KCNB2: variants seen among roughly 807,000 people sequenced by gnomAD.
KCNB2 encodes potassium voltage-gated channel subfamily B member 2, also known as delayed rectifier potassium channel protein.
A neutral mutation model predicts 61.5 loss-of-function variants in KCNB2; 15 were observed. The ratio of observed to expected loss-of-function variants is 0.24; its 90% CI spans 0.16 to 0.38. KCNB2 has a LOEUF of 0.38. KCNB2 is among the 10% of genes least tolerant of loss of function. KCNB2 has a pLI of 1.00. For synonymous variants in KCNB2, 457 were observed against 446.0 expected, an observed-to-expected ratio of 1.02 and a Z score of -0.31; for missense variants, 828 against 1,125.2, an observed-to-expected ratio of 0.74 and a Z score of 3.78.
At chr8:72,672,609 A>T (rs1309006099) in intron 2 of KCNB2, among the ~76,000 whole-genome samples, 2 of 151,982 alleles carry the variant, frequency 1.3e-5, no homozygotes, top group African/African-American at 4.8e-5. Flanking sequence ...GGTGTTTTTG[A>T]TGTCTTGAAT....
At chr8:72,817,650 C>A (rs572715748) in intron 2 of KCNB2, among the ~76,000 whole-genome samples, 1 of 152,176 alleles carries the variant, frequency 6.6e-6, no homozygotes, top group South Asian at 2.1e-4. Flanking sequence ...TTTAACATTT[C>A]TTTCAGTAAC....
At chr8:72,674,910 A>G (rs1467921945) in intron 2 of KCNB2, among the ~76,000 whole-genome samples, 6 of 152,212 alleles carry the variant, frequency 3.9e-5, no homozygotes, top group African/African-American at 1.4e-4. Flanking sequence ...TAAAAAAATA[A>G]AGATTTTTTT....
In KCNB2 at chr8:72,607,909, A is replaced by G. The variant is rs181921296; in HGVS notation, c.579+39596A>G. ...GTGACTTATTTAACTGGGTTAGTAC[A>G]TAAAAATACAGAAATTCATCCACTC... is the stretch of plus-strand genomic sequence containing the variant. On this transcript the variant is annotated intron_variant, in intron 2 of 2. Coordinates refer to ENST00000523207, the MANE Select transcript of KCNB2 (RefSeq NM_004770.3). Among the ~76,000 whole-genome samples the G allele has an allele frequency of 1.5e-3, 229 of 152,350 alleles. 1 individual carries two copies. Among genetic ancestry groups the G allele is most frequent in the African/African-American group, 5.3e-3 (220 of 41,582 alleles).
intron 2 of KCNB2, among the ~76,000 whole-genome samples, chr8:72,575,423 C>G (rs926650673): frequency 4.6e-5 from 7 of 152,200 alleles, no homozygotes; most frequent in Middle Eastern, 3.4e-3. Flanking sequence ...TTGAATGCCA[C>G]TGATATTTTC....
chr8:72,553,139 G>A (rs1474897587), intron 1 of KCNB2, among the ~76,000 whole-genome samples: 1 of 152,066 alleles, frequency 6.6e-6, no homozygotes, highest in African/African-American at 2.4e-5. Flanking sequence ...CAGAAATGAT[G>A]ATAGCTCTTG....
At chr8:72,839,912 C>CTT (rs936885562) in intron 2 of KCNB2, among the ~76,000 whole-genome samples, 1 of 145,780 alleles carries the variant, frequency 6.9e-6, no homozygotes, top group African/African-American at 2.5e-5. Context: ...CGTGCCCAGC[C>CTT]TTTTTTTTTT....
At position 72,568,119 on chromosome 8, in the gene KCNB2, G is replaced by C; in HGVS notation, c.385G>C (p.Asp129His). The change falls in exon 2 of 3, where the codon GAT (aspartate) becomes CAT (histidine). Residue 129 changes from aspartate (D) to histidine (H), a missense_variant. Around this residue, in one of 4 missense-constraint regions of KCNB2, gnomAD observed 163 missense variants for 314.4 expected, o/e 0.52. Coordinates refer to ENST00000523207, the MANE Select transcript of KCNB2 (RefSeq NM_004770.3). Reference sequence around the variant, plus strand: ...CCAAGAACTTGATTACTGGGGGATTGATGAGATCTACTTGGAGTCCTGCTG... The same window carrying C: ...CCAAGAACTTGATTACTGGGGGATTCATGAGATCTACTTGGAGTCCTGCTG... Reference protein sequence around the residue: ...FGQELDYWGIDEIYLESCCQA... With the variant: ...FGQELDYWGIHEIYLESCCQA... 1 of 1,614,150 alleles carries C rather than the reference G, an allele frequency of 6.2e-7. No homozygotes were observed. The highest frequency in any genetic ancestry group is 1.3e-5 in the African/African-American group (1 of 75,034).
chr8:72,642,020 C>T (rs1806064213), intron 2 of KCNB2, among the ~76,000 whole-genome samples: 1 of 152,084 alleles, frequency 6.6e-6, no homozygotes, highest in African/African-American at 2.4e-5. Context: ...AAGCTCAGCT[C>T]AGGATTTGAA....
chr8:72,556,607 C>T (rs548862240), intron 1 of KCNB2, among the ~76,000 whole-genome samples: 2 of 152,218 alleles, frequency 1.3e-5, no homozygotes, highest in South Asian at 2.1e-4. Flanking sequence ...ATCAAGCATA[C>T]AATCGATTTT....
intron 1 of KCNB2, among the ~76,000 whole-genome samples, chr8:72,563,629 C>G (rs1806575815): frequency 6.6e-6 from 1 of 151,972 alleles, no homozygotes; most frequent in Non-Finnish European, 1.5e-5. Context: ...GTGGCGTTAA[C>G]AGACATGGGG....
intron 1 of KCNB2, among the ~76,000 whole-genome samples, chr8:72,558,305 T>C (rs1163675714): frequency 1.3e-5 from 2 of 152,242 alleles, no homozygotes; most frequent in Admixed American, 6.5e-5. Flanking sequence ...TGTCAGAGAC[T>C]GTGCCTCAAG....
intron 2 of KCNB2, among the ~76,000 whole-genome samples, chr8:72,846,569 A>G (rs962724622): frequency 2.1e-5 from 3 of 143,868 alleles, no homozygotes; most frequent in African/African-American, 5.9e-5. Context: ...AAAAAAAAGA[A>G]AAAAAAAACC....
intron 2 of KCNB2, among the ~76,000 whole-genome samples, chr8:72,782,706 C>T (rs941943701): frequency 1.3e-5 from 2 of 152,150 alleles, no homozygotes; most frequent in Non-Finnish European, 2.9e-5. Flanking sequence ...GACCCACTTC[C>T]CTCAAATAAT....
chr8:72,733,936 G>A (rs1207122562), intron 2 of KCNB2, among the ~76,000 whole-genome samples: 3 of 152,156 alleles, frequency 2.0e-5, no homozygotes, highest in African/African-American at 7.2e-5. Context: ...GCCACAGTGG[G>A]TGTGTGATCG....
Position 72,676,531 on chromosome 8 carries a change from A to T in KCNB2, c.579+108218A>T, listed in dbSNP as rs35172801. 7.7e-3 allele frequency among the ~76,000 whole-genome samples: 1,164 copies of T among 150,542 alleles called. 11 individuals are homozygous for T. The highest frequency in any genetic ancestry group is 0.014 in the Non-Finnish European group (922 of 67,668). Reference sequence around the variant, plus strand: ...TCTAGGTGGTATTAAGAACTTTTTCACATACTAGATCATAACTCCTTAATT... The same window carrying T: ...TCTAGGTGGTATTAAGAACTTTTTCTCATACTAGATCATAACTCCTTAATT... On this transcript the variant is annotated intron_variant, in intron 2 of 2. Transcript: ENST00000523207.
At chr8:72,614,536 T>A (rs1805589442) in intron 2 of KCNB2, among the ~76,000 whole-genome samples, 1 of 152,206 alleles carries the variant, frequency 6.6e-6, no homozygotes, top group South Asian at 2.1e-4. Context: ...AATGGGGGAT[T>A]GAGCGCAGCA....
chr8:72,692,881 G>T (rs1290602061), intron 2 of KCNB2, among the ~76,000 whole-genome samples: 2 of 150,934 alleles, frequency 1.3e-5, no homozygotes, highest in Non-Finnish European at 2.9e-5. Flanking sequence ...CCAAGAGTAT[G>T]AACTAAGAAC....
intron 2 of KCNB2, among the ~76,000 whole-genome samples, chr8:72,609,616 C>T (rs1805506822): frequency 1.3e-5 from 2 of 152,046 alleles, no homozygotes; most frequent in Middle Eastern, 3.4e-3. Flanking sequence ...AGATAATATC[C>T]GATTTGGAAT....
intron 2 of KCNB2, among the ~76,000 whole-genome samples, chr8:72,872,488 G>T (rs1273527963): frequency 6.6e-6 from 1 of 152,146 alleles, no homozygotes; most frequent in Admixed American, 6.6e-5. Flanking sequence ...TAGTTGTTTG[G>T]TTGTTAATCA....
Sources: gnomAD v4.1 joint callset for allele counts (sites outside exome capture counted in the v4.1 genomes callset) on GRCh38, gnomAD v4.1.1 for gene constraint, gnomAD v4.1.1 regional missense constraint, MANE v1.5 for transcripts, NCBI Gene and HGNC (gene_info 2026-07-23, HGNC 2026-07-21) for gene names.